Variants in PEG3 observed in about 807,000 individuals in gnomAD.
The protein encoded by PEG3 is paternally expressed 3.
PEG3 carries 23 observed loss-of-function variants against 35.5 expected under a neutral mutation model. The observed-to-expected ratio is 0.65, with a 90% CI of 0.47 to 0.92. The LOEUF (loss-of-function observed/expected upper bound fraction) is 0.92, where lower values mean the gene tolerates loss of function less well. Ranked by LOEUF, PEG3 falls within the 40% of genes least tolerant of loss-of-function variation. The pLI is 0.00. For synonymous variants in PEG3, 707 were observed against 697.0 expected (o/e 1.01, Z -0.23); for missense variants, 1,960 against 1,985.3 (o/e 0.99, Z 0.24).
intron 2 of PEG3, among the ~76,000 whole-genome samples, chr19:56,834,160 T>A (rs1476968635): frequency 6.6e-6 from 1 of 152,154 alleles, no homozygotes; most frequent in African/African-American, 2.4e-5. Context: ...GCTCATCTGA[T>A]TTTTTTAAGG....
At position 56,816,401 on chromosome 19, in the gene PEG3, T is replaced by C. The variant is rs777534287; in HGVS notation, c.2041A>G (p.Lys681Glu). 3.7e-6 allele frequency: 6 copies of C among 1,613,884 alleles called. No homozygotes were observed. The highest frequency in any genetic ancestry group is 3.3e-5 in the South Asian group (3 of 91,064). The part of the protein sequence containing the change: ...SLKRRQKTYN[K>E]EKLCDFTDGR... Reference sequence around the variant, plus strand: ...TCTGTAAAGTCACAGAGCTTCTCCTTATTGTAAGTTTTCTGACGCCTTTTA... The same window carrying C: ...TCTGTAAAGTCACAGAGCTTCTCCTCATTGTAAGTTTTCTGACGCCTTTTA... The change falls in exon 10 of 10, where the codon AAG (lysine) becomes GAG (glutamate). Residue 681 changes from lysine (K) to glutamate (E), a missense_variant. Lys to Glu is a moderately conservative substitution (Grantham distance 56). Transcript: ENST00000326441.
At chr19:56,822,162 G>A (rs1047793642) in intron 6 of PEG3, among the ~76,000 whole-genome samples, 2 of 152,154 alleles carry the variant, frequency 1.3e-5, no homozygotes, top group Non-Finnish European at 2.9e-5. Flanking sequence ...GTTGTGAACC[G>A]TCACTAAATG....
In PEG3 at chr19:56,813,014, T is replaced by C. The variant is rs2059644089; in HGVS notation, c.*661A>G. 1.0e-6 allele frequency: 1 copy of C among 985,704 alleles called. No homozygotes were observed. The highest frequency in any genetic ancestry group is 6.1e-5 in the Admixed American group (1 of 16,278). The allele number at this position is 985,704 out of a possible 1,614,324, so 61.1% of individuals were successfully genotyped here. On this transcript the variant is annotated 3_prime_UTR_variant, in exon 10 of 10. Coordinates refer to ENST00000326441, the MANE Select transcript of PEG3 (RefSeq NM_006210.3). ...CAGAAAGAAGCTAAAGTACTTATCT[T>C]TTCAAACAGTAAGGAGTAAAAGCCA...
intron 1 of PEG3, among the ~76,000 whole-genome samples, chr19:56,839,605 G>GC (rs1422453254): frequency 6.6e-6 from 1 of 152,150 alleles, no homozygotes; most frequent in Non-Finnish European, 1.5e-5. Flanking sequence ...GCCTTGCCCC[G>GC]CCCCACTTGC....
rs1447337664 is a variant in PEG3, at chr19:56,811,970, C to T, written c.*1705G>A. 1.0e-6 allele frequency: 1 copy of T among 985,270 alleles called. No homozygotes were observed. The highest frequency in any genetic ancestry group is 1.2e-6 in the Non-Finnish European group (1 of 829,932). 61.0% of individuals were successfully genotyped at this position (985,270 alleles called of 1,614,324 possible). ...TCTTGCTCTCAGCTCTACAATCTTCCTAAACTTTGACACTCCCTGCATCTT... is the reference window on the plus strand; with the variant it reads ...TCTTGCTCTCAGCTCTACAATCTTCTTAAACTTTGACACTCCCTGCATCTT... On this transcript the variant is annotated 3_prime_UTR_variant, in exon 10 of 10. Coordinates refer to ENST00000326441, the MANE Select transcript of PEG3 (RefSeq NM_006210.3).
intron 1 of PEG3, among the ~76,000 whole-genome samples, chr19:56,840,078 C>A (rs920119227): frequency 1.3e-5 from 2 of 152,238 alleles, no homozygotes; most frequent in African/African-American, 4.8e-5. Context: ...AGGCCGATGG[C>A]ACCCCGCAGG....
rs200424391 is a variant in PEG3 at position 56,815,654 on chromosome 19, G to A, written c.2788C>T (p.Arg930Cys). 1.5e-5 allele frequency: 25 copies of A among 1,614,046 alleles called. No individual in the cohort carries two copies. Among genetic ancestry groups the A allele is most frequent in the African/African-American group, 1.2e-4 (9 of 74,996 alleles). The change falls in exon 10 of 10, where the codon CGT becomes TGT. Residue 930 changes from arginine (R) to cysteine (C), a missense_variant. Physicochemically the swap from Arg to Cys is radical, Grantham distance 180 (BLOSUM62 -3). Coordinates refer to ENST00000326441, the MANE Select transcript of PEG3 (RefSeq NM_006210.3). ...TTAGCACGAGCCTTCTGGTATTCACGGACATTTGAGCTGGGAACAGAGAAT... is the reference window on the plus strand; with the variant it reads ...TTAGCACGAGCCTTCTGGTATTCACAGACATTTGAGCTGGGAACAGAGAAT... The part of the protein sequence containing the change: ...GEFSVPSSNV[R>C]EYQKARAKKK...
intron 7 of PEG3, 63 bp from the exon 8 acceptor site, chr19:56,818,765 A>G (rs1036414523): frequency 1.3e-6 from 2 of 1,571,426 alleles, no homozygotes; most frequent in Non-Finnish European, 1.8e-6. Context: ...AAGACAGAAT[A>G]ATGTTGGCAA....
At chr19:56,818,057 A>C (rs952804653) in intron 8 of PEG3, among the ~76,000 whole-genome samples, 2 of 152,252 alleles carry the variant, frequency 1.3e-5, no homozygotes, top group Non-Finnish European at 2.9e-5. Flanking sequence ...AGAAATGTGT[A>C]CAAAGACCCC....
chr19:56,815,484 C>T lies in PEG3; in HGVS notation c.2958G>A (p.Glu986=), dbSNP rs142055087. Residue 986 remains glutamate, a synonymous_variant, in exon 10 of 10, where the codon GAG becomes GAA. Coordinates refer to ENST00000326441, the MANE Select transcript of PEG3 (RefSeq NM_006210.3). ...ECFAHSSDLT[E]HQKIHDREKP... is the part of the protein sequence containing the mutation. Reference sequence around the variant, plus strand: ...TCTCCCTATCATGAATCTTCTGGTGCTCAGTGAGGTCAGAGCTATGAGCAA... The same window carrying T: ...TCTCCCTATCATGAATCTTCTGGTGTTCAGTGAGGTCAGAGCTATGAGCAA... The T allele has an allele frequency of 1.9e-4, 300 of 1,614,006 alleles. No individual in the cohort carries two copies. Among genetic ancestry groups the T allele is most frequent in the Non-Finnish European group, 2.4e-4 (288 of 1,180,014 alleles).
At chr19:56,836,130 C>T (rs1568727802) in intron 1 of PEG3, 26 bp from the exon 2 acceptor site, 4 of 454,272 alleles carry the variant, frequency 8.8e-6, no homozygotes, top group Non-Finnish European at 1.3e-5. Flanking sequence ...AAATGTGAGA[C>T]GCCAAGTTTA....
In PEG3 at chr19:56,813,546, G is replaced by A; in HGVS notation, c.*129C>T. On this transcript the variant is annotated 3_prime_UTR_variant, in exon 10 of 10. Coordinates refer to ENST00000326441, the MANE Select transcript of PEG3 (RefSeq NM_006210.3). ...CTCTTTTCAATCTGAGTTTAGAGAT[G>A]TTAAGTCAGGTGTGTAACACACTAA... 6.9e-7 allele frequency: 1 copy of A among 1,446,186 alleles called. No individual in the cohort carries two copies. Among genetic ancestry groups the A allele is most frequent in the Non-Finnish European group, 9.1e-7 (1 of 1,096,832 alleles). The allele number at this position is 1,446,186 out of a possible 1,614,324, so 89.6% of individuals were successfully genotyped here.
rs1401930048 is a variant in PEG3 at position 56,811,300 on chromosome 19, A to G, written c.*2375T>C. 22 of 916,914 alleles carry G rather than the reference A, an allele frequency of 2.4e-5. No homozygotes were observed. The highest frequency in any genetic ancestry group is 2.7e-5 in the Non-Finnish European group (21 of 767,570). The allele number at this position is 916,914 out of a possible 1,614,324, so 56.8% of individuals were successfully genotyped here. ...TGACTATAAGCATATATATTTTTAAACAGTTATAATGAACTGTTTAAATGA... is the reference window on the plus strand; with the variant it reads ...TGACTATAAGCATATATATTTTTAAGCAGTTATAATGAACTGTTTAAATGA... On this transcript the variant is annotated 3_prime_UTR_variant, in exon 10 of 10. Coordinates refer to ENST00000326441, the MANE Select transcript of PEG3 (RefSeq NM_006210.3).
rs895107632 is a variant in PEG3, at chr19:56,810,684, T to C, written c.*2991A>G. The C allele has an allele frequency of 6.2e-6, 6 of 975,574 alleles. No individual in the cohort carries two copies. The highest frequency in any genetic ancestry group is 6.1e-6 in the Non-Finnish European group (5 of 821,086). The allele number at this position is 975,574 out of a possible 1,614,324, so 60.4% of individuals were successfully genotyped here. ...AATTCCCACAATGACAACACTATTT[T>C]AGTTATTTTCCACATCTTTTCATTT... On this transcript the variant is annotated 3_prime_UTR_variant, in exon 10 of 10. Transcript: ENST00000326441.
rs1215906152 is a variant in PEG3 at position 56,810,928 on chromosome 19, G to C, written c.*2747C>G. On this transcript the variant is annotated 3_prime_UTR_variant, in exon 10 of 10. Transcript: ENST00000326441. ...ACACTGTTATCAGGACATTATTATAGGGAACATTTGAAAAAATTAAAGTGA... is the reference window on the plus strand; with the variant it reads ...ACACTGTTATCAGGACATTATTATACGGAACATTTGAAAAAATTAAAGTGA... The C allele has an allele frequency of 3.1e-6, 3 of 967,222 alleles. No homozygotes were observed. The East Asian group carries it at 3.4e-4, about 111-fold the overall frequency. 59.9% of individuals were successfully genotyped at this position (967,222 alleles called of 1,614,324 possible). A position where few individuals can be genotyped will look rare whatever the true frequency, so the allele number is the denominator to read the frequency against.
At chr19:56,830,792 G>A (rs184640783) in intron 2 of PEG3, among the ~76,000 whole-genome samples, 36 of 152,104 alleles carry the variant, frequency 2.4e-4, no homozygotes, top group African/African-American at 3.9e-4. Context: ...AAAATTAGCC[G>A]GGTGTGGTGG....
In PEG3 at chr19:56,836,018, C is replaced by G. The variant is rs751087934; in HGVS notation, c.-163G>C. Reference sequence around the variant, plus strand: ...ACTGTGAGGAGGAAATTCAACTCACCTGGACCCAGCCACCTAGCGTTTGGA... The same window carrying G: ...ACTGTGAGGAGGAAATTCAACTCACGTGGACCCAGCCACCTAGCGTTTGGA... On this transcript the variant is annotated splice_region_variant and 5_prime_UTR_variant, in exon 2 of 10. Transcript: ENST00000326441. The G allele has an allele frequency of 5.9e-6, 3 of 511,912 alleles. No homozygotes were observed. The highest frequency in any genetic ancestry group is 3.9e-5 in the Admixed American group (2 of 50,784). The allele number at this position is 511,912 out of a possible 1,614,324, so 31.7% of individuals were successfully genotyped here.
At chr19:56,833,625 T>G in intron 2 of PEG3, 1 of 173,034 alleles carries the variant, frequency 5.8e-6, no homozygotes, top group Non-Finnish European at 1.2e-5. Flanking sequence ...CTAGGGTGCT[T>G]ATGAAATACG....
Position 56,811,328 on chromosome 19 carries a change from T to A in PEG3, c.*2347A>T, listed in dbSNP as rs2059528059. 1.1e-6 allele frequency: 1 copy of A among 898,730 alleles called. No homozygotes were observed. The highest frequency in any genetic ancestry group is 1.3e-6 in the Non-Finnish European group (1 of 751,306). The allele number at this position is 898,730 out of a possible 1,614,324, so 55.7% of individuals were successfully genotyped here. On this transcript the variant is annotated 3_prime_UTR_variant, in exon 10 of 10. Coordinates refer to ENST00000326441, the MANE Select transcript of PEG3 (RefSeq NM_006210.3). ...GTTATAATGAACTGTTTAAATGAAC[T>A]GTTAAATGAACAGCATATAAATGAA...
Sources: gnomAD v4.1 joint callset for allele counts (sites outside exome capture counted in the v4.1 genomes callset) on GRCh38, gnomAD v4.1.1 for gene constraint, MANE v1.5 for transcripts, NCBI Gene and HGNC (gene_info 2026-07-23, HGNC 2026-07-21) for gene names.